MEIOB: variants seen among roughly 807,000 people sequenced by gnomAD.
The protein encoded by MEIOB is meiosis-specific with OB domain-containing protein.
MEIOB carries 50 observed loss-of-function variants against 53.1 expected under a neutral mutation model. The observed-to-expected ratio is 0.94, with a 90% CI of 0.75 to 1.19. The LOEUF (loss-of-function observed/expected upper bound fraction) is 1.19. Ranked by LOEUF, MEIOB falls within the 50% of genes most tolerant of loss-of-function variation. MEIOB has a pLI of 0.00. For synonymous variants in MEIOB, 192 were observed against 182.5 expected (o/e 1.05, Z -0.42); for missense variants, 551 against 550.8 (o/e 1.00, Z 0.00).
rs1214064737 is a variant in MEIOB at position 1,864,614 on chromosome 16, G to A, written c.127+1164C>T. Among the ~76,000 whole-genome samples the A allele has an allele frequency of 4.0e-5, 6 of 150,784 alleles. 1 individual carries two copies. Among genetic ancestry groups the A allele is most frequent in the Admixed American group, 2.7e-4 (4 of 15,022 alleles). Reference sequence around the variant, plus strand: ...AGCGATTCTCCTGCCTCAGCCTCCCGAGTAGCTGGGAATACAAGCGCCTGC... The same window carrying A: ...AGCGATTCTCCTGCCTCAGCCTCCCAAGTAGCTGGGAATACAAGCGCCTGC... On this transcript the variant is annotated intron_variant, in intron 3 of 13. Transcript: ENST00000325962.
chr16:1,840,110 C>T (rs1898861916), intron 11 of MEIOB: 1 of 152,148 alleles, frequency 6.6e-6, no homozygotes, highest in Non-Finnish European at 1.5e-5. Context: ...GGGAAATGAA[C>T]TGAAGATAGT....
At position 1,841,915 on chromosome 16, in the gene MEIOB, A is replaced by G; in HGVS notation, c.939T>C (p.Asn313=). ...CATAGGAAGGATCAGCTTTTCCTTC[A>G]TTCTTCAAAGCTTTTCCCTTTAATT... ...VEQLKGKALK[N]EGKADPSYGI... The change falls in exon 11 of 14, where the codon AAT becomes AAC. Residue 313 remains asparagine (N), a synonymous_variant. Coordinates refer to ENST00000325962, the MANE Select transcript of MEIOB (RefSeq NM_001163560.3). 1 of 1,608,722 alleles carries G rather than the reference A, an allele frequency of 6.2e-7. No homozygotes were observed. Among genetic ancestry groups the G allele is most frequent in the South Asian group, 1.1e-5 (1 of 89,666 alleles).
At chr16:1,852,300 G>C (rs1381626560) in intron 9 of MEIOB, among the ~76,000 whole-genome samples, 1 of 117,182 alleles carries the variant, frequency 8.5e-6, no homozygotes, top group South Asian at 2.6e-4. Flanking sequence ...GTCTCGCTCT[G>C]TCGCCAGGCT....
intron 9 of MEIOB, among the ~76,000 whole-genome samples, chr16:1,847,168 A>C (rs935549827): frequency 6.6e-6 from 1 of 151,268 alleles, no homozygotes; most frequent in Admixed American, 6.6e-5. Context: ...AAAAGAGAAA[A>C]AGCTATTTTT....
chr16:1,859,347 G>C (rs2575363), intron 5 of MEIOB, among the ~76,000 whole-genome samples: 229 of 152,190 alleles, frequency 1.5e-3, no homozygotes, highest in African/African-American at 5.2e-3. Context: ...TTCGACACCA[G>C]CCTGGCCAAC....
chr16:1,856,759 C>CTTT lies in MEIOB; in HGVS notation c.528+973_528+975dup, dbSNP rs3045430. Among the ~76,000 whole-genome samples the CTTT allele has an allele frequency of 9.3e-4, 78 of 84,188 alleles. 2 individuals are homozygous for CTTT. Among genetic ancestry groups the CTTT allele is most frequent in the Non-Finnish European group, 1.2e-3 (56 of 46,136 alleles). 55.2% of individuals were successfully genotyped at this position (84,188 alleles called of 152,430 possible). On this transcript the variant is annotated intron_variant, in intron 6 of 13. Transcript: ENST00000325962. ...ACAGGCATGAGCCACCACGCCAGGC[C>CTTT]TTTTTTTTTTTTTTTTTTTTTTGAG...
At chr16:1,843,082 C>A (rs144517319) in intron 10 of MEIOB, among the ~76,000 whole-genome samples, 6,717 of 150,778 alleles carry the variant, frequency 0.045, 469 homozygotes, top group African/African-American at 0.14. Context: ...ATCACGAGGT[C>A]AGGAGATCGC....
chr16:1,859,986 C>T (rs980656630), intron 5 of MEIOB, among the ~76,000 whole-genome samples: 3 of 152,212 alleles, frequency 2.0e-5, no homozygotes, highest in African/African-American at 7.2e-5. Flanking sequence ...CAGGGTTCCC[C>T]TGAGAGCTCA....
chr16:1,871,547 CAG>C (rs1899750251), intron 1 of MEIOB, among the ~76,000 whole-genome samples: 1 of 59,216 alleles, frequency 1.7e-5, no homozygotes, highest in Non-Finnish European at 2.9e-5. Flanking sequence ...TTTTTTTTGA[CAG>C]AGTCTTGCTC....
At chr16:1,871,516 GC>G (rs1899747058) in intron 1 of MEIOB, among the ~76,000 whole-genome samples, 3 of 114,964 alleles carry the variant, frequency 2.6e-5, no homozygotes, top group African/African-American at 6.8e-5. Flanking sequence ...ACCGCGCCCG[GC>G]CCTTTTTTTT....
rs576106551 is a variant in MEIOB at position 1,851,932 on chromosome 16, C to A, written c.778+1107G>T. On this transcript the variant is annotated intron_variant, in intron 9 of 13. Transcript: ENST00000325962. Reference sequence around the variant, plus strand: ...ACGGTTATGTCTGCACTATAAAGCACCCTGGGAATGCTCACAGGCACTAAT... The same window carrying A: ...ACGGTTATGTCTGCACTATAAAGCAACCTGGGAATGCTCACAGGCACTAAT... 6.6e-5 allele frequency among the ~76,000 whole-genome samples: 10 copies of A among 152,236 alleles called. No homozygotes were observed. The South Asian group carries it at 2.1e-3, about 32-fold the overall frequency.
At chr16:1,848,495 C>A (rs1899077041) in intron 9 of MEIOB, among the ~76,000 whole-genome samples, 1 of 150,902 alleles carries the variant, frequency 6.6e-6, no homozygotes, top group South Asian at 2.1e-4. Context: ...CCAGCAATAG[C>A]AATAAGGAGA....
At chr16:1,835,315 T>C (rs974047580) in intron 13 of MEIOB, among the ~76,000 whole-genome samples, 1 of 151,996 alleles carries the variant, frequency 6.6e-6, no homozygotes. Flanking sequence ...GTGTTCAAAC[T>C]ACCAACTGTG....
Position 1,862,068 on chromosome 16 carries a change from G to A in MEIOB, c.176C>T (p.Pro59Leu), listed in dbSNP as rs191796885. ...GGAAGCTGCATTTACAAAATGTGCT[G>A]GTGAATCCCGAATGGTGAAGCTGAA... ...YTFSFTIRDSPAHFVNAASWG... is the reference protein window; with the variant it reads ...YTFSFTIRDSLAHFVNAASWG... The change falls in exon 4 of 14, where the codon CCA becomes CTA. Residue 59 changes from proline to leucine, a missense_variant. Transcript: ENST00000325962. 330 of 1,551,208 alleles carry A rather than the reference G, an allele frequency of 2.1e-4. 2 individuals are homozygous for A. In the East Asian group the frequency reaches 5.2e-3, roughly 24 times the overall value.
At chr16:1,867,084 T>C (rs1899611958) in intron 2 of MEIOB, among the ~76,000 whole-genome samples, 1 of 152,154 alleles carries the variant, frequency 6.6e-6, no homozygotes, top group African/African-American at 2.4e-5. Context: ...TATTTTTTAA[T>C]ATTTTAAAAT....
At chr16:1,870,794 T>C (rs1486164402) in intron 1 of MEIOB, among the ~76,000 whole-genome samples, 2 of 152,206 alleles carry the variant, frequency 1.3e-5, no homozygotes, top group Non-Finnish European at 2.9e-5. Context: ...CAATGCAGTG[T>C]CACTATCTAA....
intron 10 of MEIOB, among the ~76,000 whole-genome samples, chr16:1,844,608 C>T (rs1898986626): frequency 6.6e-6 from 1 of 151,990 alleles, no homozygotes; most frequent in Non-Finnish European, 1.5e-5. Flanking sequence ...ATTACAGGCA[C>T]ATCCCATGAT....
intron 9 of MEIOB, among the ~76,000 whole-genome samples, chr16:1,852,497 G>A (rs558548557): frequency 5.9e-5 from 9 of 151,272 alleles, no homozygotes; most frequent in South Asian, 2.1e-4. Context: ...TCTTGACCTC[G>A]TGAGCAGCCC....
At chr16:1,844,122 CTT>C (rs755682782) in intron 10 of MEIOB, among the ~76,000 whole-genome samples, 33 of 129,396 alleles carry the variant, frequency 2.6e-4, no homozygotes, top group Non-Finnish European at 3.0e-4. Flanking sequence ...TATTATGTTT[CTT>C]TTTTTTTTTT....
Sources: gnomAD v4.1 joint callset for allele counts (sites outside exome capture counted in the v4.1 genomes callset) on GRCh38, gnomAD v4.1.1 for gene constraint, MANE v1.5 for transcripts, NCBI Gene and HGNC (gene_info 2026-07-23, HGNC 2026-07-21) for gene names.